JPH4: variants seen among roughly 807,000 people sequenced by gnomAD.
The protein encoded by JPH4 is junctophilin 4.
In JPH4, 18 loss-of-function variants were observed where a neutral mutation model predicts 57.6. That is an observed-to-expected ratio of 0.31 (90% CI 0.22 to 0.46). The LOEUF (loss-of-function observed/expected upper bound fraction) is 0.46. Ranked by LOEUF, JPH4 falls within the 20% of genes least tolerant of loss-of-function variation. JPH4 has a pLI of 1.00. For synonymous variants in JPH4, 425 were observed against 406.6 expected (o/e 1.05, Z -0.54); for missense variants, 727 against 911.1 (o/e 0.80, Z 2.60).
At chr14:23,572,887 T>C in intron 3 of JPH4, 2 of 702,634 alleles carry the variant, frequency 2.8e-6, no homozygotes, top group Non-Finnish European at 5.2e-6. Flanking sequence ...CCTTCCCCAC[T>C]GTTGCTTCTC....
chr14:23,576,621 G>C lies in JPH4; in HGVS notation c.380-165C>G, dbSNP rs1341428375. Among the ~76,000 whole-genome samples the C allele has an allele frequency of 2.6e-5, 4 of 152,200 alleles. No individual in the cohort carries two copies. Among genetic ancestry groups the C allele is most frequent in the African/African-American group, 9.6e-5 (4 of 41,458 alleles). ...CTGGGAGCCGGGAACAGGCCAGGCT[G>C]GGCCGGAAAGTGTGGGAGAGCAGAG... On this transcript the variant is annotated intron_variant, in intron 2 of 5. Coordinates refer to ENST00000356300, the MANE Select transcript of JPH4 (RefSeq NM_001146028.2). The surrounding 1 kb of genome is among the most constrained non-coding windows in gnomAD (Gnocchi z 8.0).
At position 23,569,035 on chromosome 14, in the gene JPH4, C is replaced by T. The variant is rs1198418194; in HGVS notation, c.*599G>A. 1.3e-5 allele frequency: 2 copies of T among 156,784 alleles called. No homozygotes were observed. The highest frequency in any genetic ancestry group is 3.8e-4 in the East Asian group (2 of 5,210). The allele number at this position is 156,784 out of a possible 1,614,324, so 9.7% of individuals were successfully genotyped here. A position where few individuals can be genotyped will look rare whatever the true frequency, so the allele number is the denominator to read the frequency against. On this transcript the variant is annotated 3_prime_UTR_variant, in exon 6 of 6. Transcript: ENST00000356300. The surrounding 1 kb of genome is among the most constrained non-coding windows in gnomAD (Gnocchi z 4.8). ...AGGGAAGGATGGAATTGGGCAGTAA[C>T]CCAGCTCAGTGCTTGGAGGTAAGAT... is the stretch of plus-strand genomic sequence containing the variant.
At chr14:23,570,112 C>G (rs1889070580) in intron 5 of JPH4, among the ~76,000 whole-genome samples, 1 of 152,142 alleles carries the variant, frequency 6.6e-6, no homozygotes, top group South Asian at 2.1e-4. Context: ...GTAGAGGGTT[C>G]TGGGCAAACT....
rs1020149845 is a variant in JPH4 at position 23,578,344 on chromosome 14, T to G, written c.-336A>C. On this transcript the variant is annotated 5_prime_UTR_variant, in exon 1 of 6. Transcript: ENST00000356300. ...CCGGAGAGTCCCCTCTCTCCCCAGC[T>G]GGAGGAGCAGGCTGGGTGGGGGGGC... The G allele has an allele frequency of 5.8e-5, 8 of 138,928 alleles. No individual in the cohort carries two copies. The highest frequency in any genetic ancestry group is 9.4e-5 in the Non-Finnish European group (6 of 64,006). The allele number at this position is 138,928 out of a possible 1,614,324, so 8.6% of individuals were successfully genotyped here. A position where few individuals can be genotyped will look rare whatever the true frequency, so the allele number is the denominator to read the frequency against.
Position 23,575,792 on chromosome 14 carries a change from A to G in JPH4, c.1044T>C (p.Pro348=). Residue 348 remains proline (P), a synonymous_variant, in exon 3 of 6, where the codon CCT becomes CCC. Transcript: ENST00000356300. The surrounding 1 kb of genome is among the most constrained non-coding windows in gnomAD (Gnocchi z 6.9). ...TAACCTTGCCCCGCCGAAGGGCCAG[A>G]GGCAGGAGACTGCGGACGCGCCCGC... is the stretch of plus-strand genomic sequence containing the variant. The part of the protein sequence containing the change: ...VHGGRVRSLL[P]LALRRGKVKE... The G allele has an allele frequency of 1.3e-6, 2 of 1,594,558 alleles. No homozygotes were observed. Among genetic ancestry groups the G allele is most frequent in the East Asian group, 2.3e-5 (1 of 43,436 alleles).
chr14:23,568,489 G>A lies in JPH4; in HGVS notation c.*1145C>T, dbSNP rs867497840. The A allele has an allele frequency of 5.1e-6, 5 of 985,690 alleles. No individual in the cohort carries two copies. The highest frequency in any genetic ancestry group is 5.2e-4 in the Middle Eastern group (1 of 1,936). The allele number at this position is 985,690 out of a possible 1,614,324, so 61.1% of individuals were successfully genotyped here. Reference sequence around the variant, plus strand: ...CTCCCACCTCTGCCCTGCCTGGGAAGCATGTGAGATCAGCTATCTTTGATC... The same window carrying A: ...CTCCCACCTCTGCCCTGCCTGGGAAACATGTGAGATCAGCTATCTTTGATC... On this transcript the variant is annotated 3_prime_UTR_variant, in exon 6 of 6. Transcript: ENST00000356300.
At chr14:23,572,986 T>G (rs2139467644) in intron 3 of JPH4, 1 of 702,034 alleles carries the variant, frequency 1.4e-6, no homozygotes, top group South Asian at 1.5e-5. Context: ...CATCCTTAAA[T>G]GAGTTCTGTA....
At chr14:23,570,766 C>G (rs1036507668) in intron 5 of JPH4, among the ~76,000 whole-genome samples, 162 bp downstream of exon 5, 1 of 152,160 alleles carries the variant, frequency 6.6e-6, no homozygotes. Context: ...CCTTCCAGCT[C>G]GAACGCCCTC....
Position 23,571,282 on chromosome 14 carries a change from TCC to T in JPH4, c.1447_1448del (p.Gly483ArgfsTer14). On this transcript the variant is annotated frameshift_variant, in exon 5 of 6. Coordinates refer to ENST00000356300, the MANE Select transcript of JPH4 (RefSeq NM_001146028.2). LOFTEE classifies it high-confidence loss of function. This position sits in a 1 kb window ranked among gnomAD's most constrained non-coding sequence, Gnocchi z 4.6. ...GGCTGGAGAAGGGACCCTGGTCCCC[TCC>T]AGGAGGCAGTGGGCTCCGGCAGGCA... is the stretch of plus-strand genomic sequence containing the variant. ...PPACRSPLPP[G>X]GDQGPFSSPK... 6.2e-7 allele frequency: 1 copy of T among 1,600,652 alleles called. No homozygotes were observed. The highest frequency in any genetic ancestry group is 1.1e-5 in the South Asian group (1 of 89,806).
rs760356106 is a variant in JPH4, at chr14:23,569,650, G to A, written c.1871C>T (p.Ser624Phe). 1.2e-5 allele frequency: 18 copies of A among 1,552,864 alleles called. No individual in the cohort carries two copies. The highest frequency in any genetic ancestry group is 1.5e-5 in the Non-Finnish European group (17 of 1,147,862). The stretch of plus-strand genomic sequence containing the variant: ...GAAGTAGCCTCAGGTGAGGAGCTGG[G>A]AGAACAGGAATGCCAGGCTGAGGTC... ...LLDLSLAFLF[S>F]QLLT The change falls in exon 6 of 6, where the codon TCC becomes TTC. Residue 624 changes from serine to phenylalanine, a missense_variant. Ser to Phe is a radical substitution (Grantham distance 155, BLOSUM62 -2). Coordinates refer to ENST00000356300, the MANE Select transcript of JPH4 (RefSeq NM_001146028.2). This position sits in a 1 kb window ranked among gnomAD's most constrained non-coding sequence, Gnocchi z 4.8.
intron 5 of JPH4, among the ~76,000 whole-genome samples, chr14:23,570,117 C>A (rs111244389): frequency 1.2e-4 from 19 of 152,290 alleles, no homozygotes; most frequent in African/African-American, 4.3e-4. Context: ...GGGTTCTGGG[C>A]AAACTCCGCC....
chr14:23,576,803 C>G lies in JPH4; in HGVS notation c.379+272G>C, dbSNP rs2139474578. Among the ~76,000 whole-genome samples the G allele has an allele frequency of 6.6e-6, 1 of 152,212 alleles. No homozygotes were observed. The highest frequency in any genetic ancestry group is 1.9e-4 in the East Asian group (1 of 5,174). ...AGGGGCACGCCGACCCGACGGAGAG[C>G]AGAGGTGTTGGGGACAGGCAGGTAG... On this transcript the variant is annotated intron_variant, in intron 2 of 5. Coordinates refer to ENST00000356300, the MANE Select transcript of JPH4 (RefSeq NM_001146028.2). This position sits in a 1 kb window ranked among gnomAD's most constrained non-coding sequence, Gnocchi z 8.0.
intron 3 of JPH4, chr14:23,574,935 C>T (rs996930859): frequency 1.1e-5 from 2 of 175,974 alleles, no homozygotes; most frequent in East Asian, 1.4e-4. Context: ...CAATGTCTGG[C>T]TTCTTTTTGT....
At position 23,576,364 on chromosome 14, in the gene JPH4, G is replaced by C; in HGVS notation, c.472C>G (p.Pro158Ala). The C allele has an allele frequency of 7.5e-7, 1 of 1,341,912 alleles. No homozygotes were observed. The highest frequency in any genetic ancestry group is 1.9e-5 in the South Asian group (1 of 52,688). 83.1% of individuals were successfully genotyped at this position (1,341,912 alleles called of 1,614,324 possible). The change falls in exon 3 of 6, where the codon CCC (proline) becomes GCC (alanine). Residue 158 changes from proline (P) to alanine (A), a missense_variant. Coordinates refer to ENST00000356300, the MANE Select transcript of JPH4 (RefSeq NM_001146028.2). The surrounding 1 kb of genome is among the most constrained non-coding windows in gnomAD (Gnocchi z 8.0). Reference protein sequence around the residue: ...PYHQAALLRSPRRTSLDSGHS... With the variant: ...PYHQAALLRSARRTSLDSGHS... ...CCGGAATCCAGGGAGGTGCGGCGGG[G>C]CGAGCGCAGCAGCGCCGCCTGATGG...
In JPH4 at chr14:23,571,214, G is replaced by A; in HGVS notation, c.1517C>T (p.Ala506Val). The A allele has an allele frequency of 1.9e-6, 3 of 1,613,430 alleles. No individual in the cohort carries two copies. Among genetic ancestry groups the A allele is most frequent in the South Asian group, 1.1e-5 (1 of 91,026 alleles). ...AGCCTCATAGCCAGCTAGTTCCTCTGCCTGTGCGCCTGCCCCCCCCCACTC... is the reference window on the plus strand; with the variant it reads ...AGCCTCATAGCCAGCTAGTTCCTCTACCTGTGCGCCTGCCCCCCCCCACTC... The part of the protein sequence containing the change: ...PEEWGGAGAQ[A>V]EELAGYEAED... Residue 506 changes from alanine (A) to valine (V), a missense_variant, in exon 5 of 6, where the codon GCA becomes GTA. By Grantham distance (64) the Ala-to-Val change is moderately conservative. This residue lies in a region of JPH4 where 293 missense variants were observed against 279.8 expected (regional missense o/e 1.05). Coordinates refer to ENST00000356300, the MANE Select transcript of JPH4 (RefSeq NM_001146028.2). The surrounding 1 kb of genome is among the most constrained non-coding windows in gnomAD (Gnocchi z 4.6).
Position 23,575,857 on chromosome 14 carries a change from G to A in JPH4, c.979C>T (p.Arg327Cys), listed in dbSNP as rs373884240. Residue 327 changes from arginine to cysteine, a missense_variant, in exon 3 of 6, where the codon CGC (arginine) becomes TGC (cysteine). Around this residue, in one of 7 missense-constraint regions of JPH4, gnomAD observed 112 missense variants for 199.4 expected, o/e 0.56. Coordinates refer to ENST00000356300, the MANE Select transcript of JPH4 (RefSeq NM_001146028.2). This position sits in a 1 kb window ranked among gnomAD's most constrained non-coding sequence, Gnocchi z 6.9. ...YGRTTRPDGS[R>C]EEGKYKRNRL... is the part of the protein sequence containing the mutation. ...TTGCGCTTGTACTTGCCCTCCTCGC[G>A]GGAGCCGTCGGGGCGGGTGGTGCGC... 6.3e-7 allele frequency: 1 copy of A among 1,581,358 alleles called. No homozygotes were observed. The highest frequency in any genetic ancestry group is 8.6e-7 in the Non-Finnish European group (1 of 1,166,486).
chr14:23,570,556 A>C (rs1889102243), intron 5 of JPH4, among the ~76,000 whole-genome samples: 1 of 151,790 alleles, frequency 6.6e-6, no homozygotes, highest in South Asian at 2.1e-4. Flanking sequence ...TTGTATTTTT[A>C]GTAGAGACGG....
At chr14:23,572,858 G>C in intron 3 of JPH4, 1 of 702,536 alleles carries the variant, frequency 1.4e-6, no homozygotes, top group East Asian at 2.7e-5. Context: ...GGTGCAGGCA[G>C]CCTGGGAGTC....
chr14:23,577,590 G>T lies in JPH4; in HGVS notation c.-137C>A. ...CGGGGCCGGGCGGGGGGGCCCCAGCGAGGGCAGGCAGGGCCGGACCCTCAT... is the reference window on the plus strand; with the variant it reads ...CGGGGCCGGGCGGGGGGGCCCCAGCTAGGGCAGGCAGGGCCGGACCCTCAT... On this transcript the variant is annotated 5_prime_UTR_variant, in exon 2 of 6. It introduces an in-frame stop codon into an upstream open reading frame of the 5' UTR. Transcript: ENST00000356300. This position sits in a 1 kb window ranked among gnomAD's most constrained non-coding sequence, Gnocchi z 8.4. 1.5e-6 allele frequency: 1 copy of T among 654,706 alleles called. No individual in the cohort carries two copies. Among genetic ancestry groups the T allele is most frequent in the Non-Finnish European group, 2.3e-6 (1 of 431,856 alleles). The allele number at this position is 654,706 out of a possible 1,614,324, so 40.6% of individuals were successfully genotyped here. A position where few individuals can be genotyped will look rare whatever the true frequency, so the allele number is the denominator to read the frequency against.
Sources: gnomAD v4.1 joint callset for allele counts (sites outside exome capture counted in the v4.1 genomes callset) on GRCh38, gnomAD v4.1.1 for gene constraint, gnomAD v4.1.1 regional missense constraint, Gnocchi (gnomAD v3.1) non-coding constraint, MANE v1.5 for transcripts, NCBI Gene and HGNC (gene_info 2026-07-23, HGNC 2026-07-21) for gene names.